The following SLC39A11 variants were observed in gnomAD, a reference collection of about 807,000 sequenced individuals.
SLC39A11 encodes solute carrier family 39 member 11.
In SLC39A11, 33 loss-of-function variants were observed where a neutral mutation model predicts 36.1. The ratio of observed to expected loss-of-function variants is 0.91; its 90% CI spans 0.69 to 1.22. The LOEUF (loss-of-function observed/expected upper bound fraction) is 1.22, where lower values mean the gene tolerates loss of function less well. Ranked by LOEUF, SLC39A11 falls within the 50% of genes most tolerant of loss-of-function variation. The pLI is 0.00. For synonymous variants in SLC39A11, 166 were observed against 170.3 expected (o/e 0.97, Z 0.20); for missense variants, 432 against 430.3 (o/e 1.00, Z -0.03).
intron 5 of SLC39A11, among the ~76,000 whole-genome samples, chr17:72,940,146 T>C (rs543824578): frequency 3.0e-4 from 45 of 152,276 alleles, no homozygotes; most frequent in Middle Eastern, 3.4e-3. Flanking sequence ...TCCCCAGAAG[T>C]TAACTGAGCC....
In SLC39A11 at chr17:73,031,266, T is replaced by C. The variant is rs1380638519; in HGVS notation, c.306+290A>G. Among the ~76,000 whole-genome samples the C allele has an allele frequency of 2.0e-5, 3 of 152,138 alleles. No individual in the cohort carries two copies. In the East Asian group the frequency reaches 5.8e-4, roughly 29 times the overall value. Reference sequence around the variant, plus strand: ...GCACCACAGTGATCGTTCTAGGTCCTCTCATATATATACAGTGCCACCCAG... The same window carrying C: ...GCACCACAGTGATCGTTCTAGGTCCCCTCATATATATACAGTGCCACCCAG... On this transcript the variant is annotated intron_variant, in intron 4 of 9. Coordinates refer to ENST00000255559, the MANE Select transcript of SLC39A11 (RefSeq NM_139177.4).
At chr17:72,837,205 G>T (rs1462750352) in intron 6 of SLC39A11, among the ~76,000 whole-genome samples, 1 of 152,072 alleles carries the variant, frequency 6.6e-6, no homozygotes, top group Non-Finnish European at 1.5e-5. Context: ...CATTCCAACA[G>T]ATCCTCCATA....
At chr17:72,852,112 G>A (rs998362612) in intron 5 of SLC39A11, among the ~76,000 whole-genome samples, 1 of 146,302 alleles carries the variant, frequency 6.8e-6, no homozygotes, top group African/African-American at 2.5e-5. Context: ...GAGTGAGGCA[G>A]GAGAATGGCT....
chr17:72,814,677 G>A (rs372729572), intron 6 of SLC39A11, among the ~76,000 whole-genome samples: 14 of 152,340 alleles, frequency 9.2e-5, no homozygotes, highest in Admixed American at 5.2e-4. Context: ...AGGTTAACCC[G>A]AGAGATCAGC....
intron 6 of SLC39A11, among the ~76,000 whole-genome samples, chr17:72,743,868 T>C (rs2074820754): frequency 6.6e-6 from 1 of 152,230 alleles, no homozygotes; most frequent in Admixed American, 6.5e-5. Context: ...TTTACACAGC[T>C]ACTGCCATTA....
chr17:73,033,090 C>G (rs1406639954), intron 3 of SLC39A11, among the ~76,000 whole-genome samples: 1 of 152,182 alleles, frequency 6.6e-6, no homozygotes, highest in Non-Finnish European at 1.5e-5. Flanking sequence ...ATAAGGAGCT[C>G]ACAACCTAGA....
intron 5 of SLC39A11, among the ~76,000 whole-genome samples, chr17:72,866,651 A>G (rs1276258540): frequency 6.6e-6 from 1 of 152,178 alleles, no homozygotes; most frequent in Non-Finnish European, 1.5e-5. Flanking sequence ...CCAGAGAGAA[A>G]GACAAAAACT....
At chr17:72,673,540 G>T (rs2071111867) in intron 7 of SLC39A11, among the ~76,000 whole-genome samples, 1 of 152,136 alleles carries the variant, frequency 6.6e-6, no homozygotes, top group Non-Finnish European at 1.5e-5. Context: ...ACCATCCAGA[G>T]AACAATGTTT....
chr17:72,891,702 A>G (rs2081753891), intron 5 of SLC39A11, among the ~76,000 whole-genome samples: 2 of 152,050 alleles, frequency 1.3e-5, no homozygotes, highest in South Asian at 4.1e-4. Context: ...ACATATAGAT[A>G]TAGATATATA....
intron 5 of SLC39A11, among the ~76,000 whole-genome samples, chr17:72,857,812 C>T (rs911646647): frequency 2.6e-5 from 4 of 152,136 alleles, no homozygotes; most frequent in Non-Finnish European, 5.9e-5. Context: ...GTCCTCTGCT[C>T]ACTCTTTAAT....
intron 3 of SLC39A11, among the ~76,000 whole-genome samples, chr17:73,045,973 C>T (rs528131450): frequency 2.7e-4 from 41 of 152,306 alleles, no homozygotes; most frequent in African/African-American, 8.9e-4. Flanking sequence ...CCTCCCCAAC[C>T]CCAGCATCAC....
intron 7 of SLC39A11, among the ~76,000 whole-genome samples, chr17:72,701,495 G>A (rs376618913): frequency 9.9e-5 from 15 of 152,074 alleles, no homozygotes; most frequent in African/African-American, 2.4e-4. Flanking sequence ...TTGGGAGGCC[G>A]AAGTGGGCAG....
At chr17:72,790,837 A>G (rs2076677701) in intron 6 of SLC39A11, among the ~76,000 whole-genome samples, 1 of 152,098 alleles carries the variant, frequency 6.6e-6, no homozygotes, top group South Asian at 2.1e-4. Context: ...CCAGCCAAAA[A>G]CAATGAATTT....
At chr17:73,069,462 T>C (rs543145810) in intron 3 of SLC39A11, among the ~76,000 whole-genome samples, 4 of 152,346 alleles carry the variant, frequency 2.6e-5, no homozygotes, top group African/African-American at 9.6e-5. Flanking sequence ...TGCTCCCACA[T>C]TCTGAGCAGC....
chr17:72,993,702 T>G (rs373344072), intron 4 of SLC39A11, among the ~76,000 whole-genome samples: 1 of 152,226 alleles, frequency 6.6e-6, no homozygotes, highest in African/African-American at 2.4e-5. Flanking sequence ...TATGGCACAA[T>G]GTCACACTGT....
intron 3 of SLC39A11, among the ~76,000 whole-genome samples, chr17:73,060,852 A>G (rs2059819653): frequency 6.6e-6 from 1 of 152,168 alleles, no homozygotes; most frequent in Non-Finnish European, 1.5e-5. Flanking sequence ...AAACAACTAA[A>G]TTTCCTTGTC....
chr17:72,950,905 AGTGG>A (rs1365470249), intron 4 of SLC39A11, among the ~76,000 whole-genome samples: 1 of 152,106 alleles, frequency 6.6e-6, no homozygotes, highest in Non-Finnish European at 1.5e-5. Context: ...TGATATCTCT[AGTGG>A]GTAGAGACCA....
chr17:72,964,252 T>C (rs1242766005), intron 4 of SLC39A11, among the ~76,000 whole-genome samples: 1 of 152,208 alleles, frequency 6.6e-6, no homozygotes, highest in Admixed American at 6.5e-5. Context: ...AATATGCTAA[T>C]TTGCTTAATG....
intron 3 of SLC39A11, among the ~76,000 whole-genome samples, chr17:73,066,834 T>C (rs1388383978): frequency 6.6e-6 from 1 of 152,254 alleles, no homozygotes; most frequent in African/African-American, 2.4e-5. Context: ...GATATTTTAA[T>C]TGCATAGACC....
Sources: gnomAD v4.1 joint callset for allele counts (sites outside exome capture counted in the v4.1 genomes callset) on GRCh38, gnomAD v4.1.1 for gene constraint, MANE v1.5 for transcripts, NCBI Gene and HGNC (gene_info 2026-07-23, HGNC 2026-07-21) for gene names.